GCNT2: variants seen among roughly 807,000 people sequenced by gnomAD.
GCNT2 encodes glucosaminyl (N-acetyl) transferase 2 (I blood group), also known as N-acetyllactosaminide beta-1,6-N-acetylglucosaminyl-transferase.
A neutral mutation model predicts 34.2 loss-of-function variants in GCNT2; 34 were observed. The observed-to-expected ratio is 1.00, with a 90% confidence interval of 0.76 to 1.32. GCNT2 has a LOEUF of 1.32. Among genes scored for constraint, GCNT2 ranks in the 40% most tolerant of loss-of-function variants. The pLI is 0.00. For synonymous variants in GCNT2, 212 were observed against 188.0 expected, an observed-to-expected ratio of 1.13 and a Z score of -1.04; for missense variants, 584 against 489.4, an observed-to-expected ratio of 1.19 and a Z score of -1.82.
In GCNT2 at chr6:10,607,396, A is replaced by T. The variant is rs541854817; in HGVS notation, c.926-13955A>T. Among the ~76,000 whole-genome samples, 4 of 152,300 alleles carry T rather than the reference A, an allele frequency of 2.6e-5. No individual in the cohort carries two copies. The South Asian group carries it at 8.3e-4, about 32-fold the overall frequency. On this transcript the variant is annotated intron_variant, in intron 3 of 4. Coordinates refer to ENST00000495262, the MANE Select transcript of GCNT2 (RefSeq NM_145649.5). ...GAACGGGGAGATGCCACACACTTTT[A>T]AACAGCCAGATCTCACGAGAATTCT...
Position 10,528,868 on chromosome 6 carries a change from TC to T in GCNT2, c.-42del. 3 of 1,401,500 alleles carry T rather than the reference TC, an allele frequency of 2.1e-6. No individual in the cohort carries two copies. The Admixed American group carries it at 5.0e-5, about 23-fold the overall frequency. 86.8% of individuals were successfully genotyped at this position (1,401,500 alleles called of 1,614,324 possible). On this transcript the variant is annotated 5_prime_UTR_variant, in exon 3 of 5. Transcript: ENST00000495262. ...TAAGTTAAATATATCTACACTCTGA[TC>T]CTATCTCAAGAGAGAGATATTTTAC...
chr6:10,562,656 G>GAAAAAAAAAAAAA (rs57868433), intron 3 of GCNT2, among the ~76,000 whole-genome samples: 33 of 77,498 alleles, frequency 4.3e-4, no homozygotes, highest in Non-Finnish European at 5.1e-4. Context: ...GAACTTCTCT[G>GAAAAAAAAAAAAA]AAAAAAAAAA....
At chr6:10,546,586 G>C (rs1028454846) in intron 3 of GCNT2, among the ~76,000 whole-genome samples, 17 of 152,224 alleles carry the variant, frequency 1.1e-4, no homozygotes, top group Non-Finnish European at 1.6e-4. Flanking sequence ...TTGAACCCAG[G>C]GGGCGGAGGT....
At chr6:10,532,160 A>C (rs547684215) in intron 3 of GCNT2, among the ~76,000 whole-genome samples, 2 of 152,206 alleles carry the variant, frequency 1.3e-5, no homozygotes, top group Non-Finnish European at 1.5e-5. Flanking sequence ...ATTGGACCGG[A>C]TGGCCTCCGA....
intron 3 of GCNT2, among the ~76,000 whole-genome samples, chr6:10,571,257 A>C (rs1225461187): frequency 6.6e-6 from 1 of 152,234 alleles, no homozygotes; most frequent in East Asian, 1.9e-4. Context: ...TACGGAAAGA[A>C]GATCTCTCAA....
intron 3 of GCNT2, among the ~76,000 whole-genome samples, chr6:10,561,350 C>G (rs912366221): frequency 6.6e-6 from 1 of 152,062 alleles, no homozygotes; most frequent in South Asian, 2.1e-4. Flanking sequence ...TTAGTAGAGA[C>G]GGGGTTTCTC....
rs186229393 is a variant in GCNT2, at chr6:10,576,089, C to T, written c.926-45262C>T. On this transcript the variant is annotated intron_variant, in intron 3 of 4. Transcript: ENST00000495262. ...TTCACCATGTTGTCCAGGCTGGTCT[C>T]GAACTCCTGACCTCAGGTGATCTGC... Among the ~76,000 whole-genome samples, 442 of 152,276 alleles carry T rather than the reference C, an allele frequency of 2.9e-3. 3 individuals carry two copies. Among genetic ancestry groups the T allele is most frequent in the African/African-American group, 0.01 (427 of 41,542 alleles).
chr6:10,569,159 G>T (rs1317624330), intron 3 of GCNT2, among the ~76,000 whole-genome samples: 4 of 150,234 alleles, frequency 2.7e-5, no homozygotes, highest in Non-Finnish European at 4.4e-5. Flanking sequence ...TAGGATGTTG[G>T]TGCCCCTCAG....
intron 3 of GCNT2, among the ~76,000 whole-genome samples, chr6:10,616,763 G>C (rs1765785349): frequency 6.6e-6 from 1 of 151,886 alleles, no homozygotes; most frequent in African/African-American, 2.4e-5. Flanking sequence ...GCTGATTGCT[G>C]TATTTACAAT....
intron 3 of GCNT2, among the ~76,000 whole-genome samples, chr6:10,572,032 A>C (rs1405894634): frequency 6.7e-6 from 1 of 149,456 alleles, no homozygotes; most frequent in Non-Finnish European, 1.5e-5. Flanking sequence ...TGCTATCTAG[A>C]GTGAACAATT....
At chr6:10,576,043 G>A (rs968398848) in intron 3 of GCNT2, among the ~76,000 whole-genome samples, 9 of 152,202 alleles carry the variant, frequency 5.9e-5, no homozygotes, top group South Asian at 4.1e-4. Flanking sequence ...CTCTTCACAC[G>A]GACGTGCATG....
intron 3 of GCNT2, among the ~76,000 whole-genome samples, chr6:10,562,847 C>T (rs200243366): frequency 1.3e-5 from 2 of 152,006 alleles, no homozygotes; most frequent in East Asian, 3.9e-4. Context: ...AGCACAGGCC[C>T]ACTGCAGGAC....
rs1310740366 is a variant in GCNT2, at chr6:10,617,744, TTTC to T, written c.926-3601_926-3599del. On this transcript the variant is annotated intron_variant, in intron 3 of 4. Transcript: ENST00000495262. ...CCACTGCACCTGGCCAGAGTCTGCA[TTTC>T]TTCTTTTTTTTTTTTTTTTTTTTTT... Among the ~76,000 whole-genome samples the T allele has an allele frequency of 7.5e-4, 89 of 119,350 alleles. 1 individual carries two copies. Among genetic ancestry groups the T allele is most frequent in the Middle Eastern group, 4.3e-3 (1 of 234 alleles). The allele number at this position is 119,350 out of a possible 152,430, so 78.3% of individuals were successfully genotyped here.
chr6:10,626,211 T>C (rs1766247812), intron 4 of GCNT2, among the ~76,000 whole-genome samples: 1 of 152,244 alleles, frequency 6.6e-6, no homozygotes, highest in Non-Finnish European at 1.5e-5. Context: ...CTCTCATTTT[T>C]TTCAAATAAC....
intron 3 of GCNT2, 90 bp downstream of exon 3, chr6:10,529,926 G>A: frequency 9.5e-7 from 1 of 1,050,732 alleles, no homozygotes; most frequent in Non-Finnish European, 1.4e-6. Flanking sequence ...GAAAAAATGG[G>A]ACAAACTTCT....
At chr6:10,606,169 G>C (rs1259749209) in intron 3 of GCNT2, among the ~76,000 whole-genome samples, 1 of 152,224 alleles carries the variant, frequency 6.6e-6, no homozygotes, top group Non-Finnish European at 1.5e-5. Context: ...ACAAAAATTA[G>C]CCGGGTGTGG....
chr6:10,563,772 AAAAAAATATATAT>A lies in GCNT2; in HGVS notation c.925+33938_925+33950del, dbSNP rs1201998468. ...AAGAAAAAAGAAAAAAAAAAAAAAAAAAAAAATATATATATATATATATATATATATATATATG... is the reference window on the plus strand; with the variant it reads ...AAGAAAAAAGAAAAAAAAAAAAAAAAATATATATATATATATATATATATG... On this transcript the variant is annotated intron_variant, in intron 3 of 4. Transcript: ENST00000495262. Among the ~76,000 whole-genome samples the A allele has an allele frequency of 9.5e-3, 561 of 59,076 alleles. 3 individuals are homozygous for A. Among genetic ancestry groups the A allele is most frequent in the African/African-American group, 0.032 (413 of 12,872 alleles). 38.8% of individuals were successfully genotyped at this position (59,076 alleles called of 152,430 possible). A position where few individuals can be genotyped will look rare whatever the true frequency, so the allele number is the denominator to read the frequency against.
chr6:10,586,523 C>G, intron 3 of GCNT2: 1 of 1,614,120 alleles, frequency 6.2e-7, no homozygotes, highest in Middle Eastern at 1.6e-4. Flanking sequence ...AAGACCTTGT[C>G]GCCTCTGAGG....
chr6:10,584,142 A>G (rs998295834), intron 3 of GCNT2, among the ~76,000 whole-genome samples: 3 of 152,090 alleles, frequency 2.0e-5, no homozygotes, highest in African/African-American at 7.2e-5. Flanking sequence ...TATTTTTCCT[A>G]TCTTGGCGAG....
Sources: allele counts gnomAD v4.1 joint callset (sites outside exome capture counted in the v4.1 genomes callset), GRCh38; gene constraint gnomAD v4.1.1; transcripts MANE v1.5; gene names NCBI Gene and HGNC (gene_info 2026-07-23, HGNC 2026-07-21).